The following FRAS1 variants were observed in gnomAD, a reference collection of about 807,000 sequenced individuals.
The protein encoded by FRAS1 is Fraser extracellular matrix complex subunit 1, also known as extracellular matrix organizing protein FRAS1.
In FRAS1, 290 loss-of-function variants were observed where a neutral mutation model predicts 435.2. The ratio of observed to expected loss-of-function variants is 0.67; its 90% CI spans 0.61 to 0.73. FRAS1 has a LOEUF of 0.73. Ranked by LOEUF, FRAS1 falls within the 30% of genes least tolerant of loss-of-function variation. The pLI, the probability that FRAS1 is intolerant of heterozygous loss-of-function variation, is 0.00. For missense variants in FRAS1, 4,860 were observed against 5,001.5 expected (o/e 0.97, Z 0.85); for synonymous variants, 1,800 against 1,851.0 (o/e 0.97, Z 0.71).
At chr4:78,120,245 C>A (rs1279357687) in intron 2 of FRAS1, among the ~76,000 whole-genome samples, 2 of 152,086 alleles carry the variant, frequency 1.3e-5, no homozygotes, top group Admixed American at 6.6e-5. Context: ...AACAACAAAC[C>A]TTGTTTATGT....
intron 54 of FRAS1, 85 bp from the exon 55 acceptor site, chr4:78,477,730 A>C (rs1235012927): frequency 6.6e-7 from 1 of 1,504,868 alleles, no homozygotes; most frequent in Non-Finnish European, 9.0e-7. Flanking sequence ...CTGGACTTGG[A>C]TGCTCTTTTC....
At position 78,499,831 on chromosome 4, in the gene FRAS1, A is replaced by G. The variant is rs972069508; in HGVS notation, c.9226A>G (p.Thr3076Ala). Reference protein sequence around the residue: ...KVIRRGDQNRTSKVRCSTRDG... With the variant: ...KVIRRGDQNRASKVRCSTRDG... ...GATCCGCAGAGGGGATCAGAACAGG[A>G]CCTCCAAGGTTCGCTGCAGCACGCG... The change falls in exon 61 of 74, where the codon ACC (threonine) becomes GCC (alanine). Residue 3076 changes from threonine (T) to alanine (A), a missense_variant. Thr to Ala is a moderately conservative substitution (Grantham distance 58, BLOSUM62 0). Transcript: ENST00000512123. 10 of 1,613,432 alleles carry G rather than the reference A, an allele frequency of 6.2e-6. No homozygotes were observed. The African/African-American group carries it at 1.2e-4, about 19-fold the overall frequency.
At chr4:78,485,742 G>T (rs570040797) in intron 58 of FRAS1, among the ~76,000 whole-genome samples, 34 of 152,318 alleles carry the variant, frequency 2.2e-4, no homozygotes, top group Middle Eastern at 6.8e-3. Flanking sequence ...GAGAGAAAGT[G>T]ATGAAGCTGG....
chr4:78,375,706 T>C, intron 25 of FRAS1, 33 bp from the exon 26 acceptor site: 1 of 1,526,780 alleles, frequency 6.5e-7, no homozygotes, highest in East Asian at 2.4e-5. Flanking sequence ...GTTGCCTTGA[T>C]TGAGCCTCAT....
chr4:78,252,563 C>T lies in FRAS1; in HGVS notation c.469+12C>T. 6.2e-7 allele frequency: 1 copy of T among 1,608,792 alleles called. No homozygotes were observed. The highest frequency in any genetic ancestry group is 8.5e-7 in the Non-Finnish European group (1 of 1,177,748). ...TGTGGGCCTTGGGAGTGAGTATGAGCTTGTAGAAGGGGACCCTCTTTGCTT... is the reference window on the plus strand; with the variant it reads ...TGTGGGCCTTGGGAGTGAGTATGAGTTTGTAGAAGGGGACCCTCTTTGCTT... On this transcript the variant is annotated intron_variant, in intron 5 of 73. Transcript: ENST00000512123.
intron 2 of FRAS1, among the ~76,000 whole-genome samples, chr4:78,222,195 C>T (rs1724087457): frequency 6.6e-6 from 1 of 152,282 alleles, no homozygotes; most frequent in South Asian, 2.1e-4. Flanking sequence ...GGGAGGACTC[C>T]TGTGGAATCT....
intron 2 of FRAS1, among the ~76,000 whole-genome samples, chr4:78,154,657 T>A (rs763269307): frequency 2.0e-5 from 3 of 152,194 alleles, no homozygotes; most frequent in Non-Finnish European, 4.4e-5. Context: ...CCATTTAAAA[T>A]CATTCTTATT....
At chr4:78,115,367 T>G (rs925463320) in intron 2 of FRAS1, among the ~76,000 whole-genome samples, 8 of 152,226 alleles carry the variant, frequency 5.3e-5, no homozygotes, top group Admixed American at 1.3e-4. Flanking sequence ...GAGGATTTCC[T>G]CTTTTTCTAT....
chr4:78,511,216 T>C (rs909128729), intron 63 of FRAS1, 58 bp from the exon 64 acceptor site: 2 of 1,330,196 alleles, frequency 1.5e-6, no homozygotes, highest in South Asian at 1.4e-5. Flanking sequence ...AACCAGATCA[T>C]GTAAGGAGCT....
intron 2 of FRAS1, among the ~76,000 whole-genome samples, chr4:78,226,046 C>T (rs1292178463): frequency 6.6e-6 from 1 of 152,120 alleles, no homozygotes; most frequent in Non-Finnish European, 1.5e-5. Flanking sequence ...GTTAAACACA[C>T]TTTTACTATT....
chr4:78,072,757 G>A (rs1740420709), intron 2 of FRAS1, among the ~76,000 whole-genome samples: 1 of 151,842 alleles, frequency 6.6e-6, no homozygotes, highest in East Asian at 1.9e-4. Flanking sequence ...TTTTAAATGG[G>A]GGATGCCACT....
intron 20 of FRAS1, among the ~76,000 whole-genome samples, chr4:78,362,702 T>C (rs1056403180): frequency 2.0e-5 from 3 of 152,068 alleles, no homozygotes; most frequent in African/African-American, 4.8e-5. Context: ...ACACAGAAAA[T>C]TGAATGATGG....
chr4:78,511,753 C>G (rs904776310), intron 64 of FRAS1, among the ~76,000 whole-genome samples: 1 of 152,168 alleles, frequency 6.6e-6, no homozygotes, highest in East Asian at 1.9e-4. Flanking sequence ...AGTAACTTCC[C>G]AAGTGCTACA....
At position 78,180,929 on chromosome 4, in the gene FRAS1, G is replaced by C. The variant is rs184873935; in HGVS notation, c.109-56581G>C. ...CAGGAGCAGAAGTACTTGACTTGTC[G>C]GTCCTGCTGCCACGGTTTGGGCGCC... is the stretch of plus-strand genomic sequence containing the variant. On this transcript the variant is annotated intron_variant, in intron 2 of 73. Coordinates refer to ENST00000512123, the MANE Select transcript of FRAS1 (RefSeq NM_025074.7). 6.3e-4 allele frequency: 1,011 copies of C among 1,608,202 alleles called. 8 individuals are homozygous for C. In the African/African-American group the frequency reaches 0.012, roughly 19 times the overall value.
At position 78,484,335 on chromosome 4, in the gene FRAS1, G is replaced by A. The variant is rs77037649; in HGVS notation, c.8752+1800G>A. On this transcript the variant is annotated intron_variant, in intron 58 of 73. Transcript: ENST00000512123. Reference sequence around the variant, plus strand: ...TTCAAGGTTTTGGTGTTTAAATTGCGTTGTTTTCCTACTTGTATTGCATTG... The same window carrying A: ...TTCAAGGTTTTGGTGTTTAAATTGCATTGTTTTCCTACTTGTATTGCATTG... 4.1e-3 allele frequency among the ~76,000 whole-genome samples: 623 copies of A among 152,186 alleles called. 6 individuals carry two copies. Among genetic ancestry groups the A allele is most frequent in the African/African-American group, 0.014 (583 of 41,548 alleles).
chr4:78,306,128 G>C (rs1011971665), intron 14 of FRAS1, among the ~76,000 whole-genome samples: 1 of 152,032 alleles, frequency 6.6e-6, no homozygotes, highest in African/African-American at 2.4e-5. Context: ...ATGAAGGTTA[G>C]TTTGGCTAGA....
At chr4:78,340,335 A>C (rs1730348094) in intron 20 of FRAS1, among the ~76,000 whole-genome samples, 1 of 152,238 alleles carries the variant, frequency 6.6e-6, no homozygotes, top group Admixed American at 6.5e-5. Flanking sequence ...TATTGATTAA[A>C]GACTGGTGTA....
chr4:78,466,506 C>A, intron 50 of FRAS1, 71 bp downstream of exon 50: 2 of 1,113,640 alleles, frequency 1.8e-6, no homozygotes, highest in Non-Finnish European at 2.6e-6. Flanking sequence ...AGTTTTACAT[C>A]AAGCATACCA....
chr4:78,232,881 T>G (rs750778549), intron 2 of FRAS1, among the ~76,000 whole-genome samples: 1 of 152,208 alleles, frequency 6.6e-6, no homozygotes, highest in Non-Finnish European at 1.5e-5. Context: ...TGAGATCTCC[T>G]TGTTTGAAGA....
Sources: gnomAD v4.1 joint callset for allele counts (sites outside exome capture counted in the v4.1 genomes callset) on GRCh38, gnomAD v4.1.1 for gene constraint, MANE v1.5 for transcripts, NCBI Gene and HGNC (gene_info 2026-07-23, HGNC 2026-07-21) for gene names.